Variants in MED12L observed in about 807,000 individuals in gnomAD.
The protein encoded by MED12L is mediator complex subunit 12L.
MED12L carries 60 observed loss-of-function variants against 281.3 expected under a neutral mutation model. The ratio of observed to expected loss-of-function variants is 0.21; its 90% CI spans 0.17 to 0.26. The LOEUF (loss-of-function observed/expected upper bound fraction) is 0.26, where lower values mean the gene tolerates loss of function less well. Ranked by LOEUF, MED12L falls within the 10% of genes least tolerant of loss-of-function variation. MED12L has a pLI of 1.00. For missense variants in MED12L, 2,146 were observed against 2,680.9 expected (o/e 0.80, Z 4.41); for synonymous variants, 974 against 987.2 (o/e 0.99, Z 0.25).
intron 39 of MED12L, among the ~76,000 whole-genome samples, chr3:151,408,123 C>A (rs1165473781): frequency 2.6e-5 from 4 of 152,144 alleles, no homozygotes; most frequent in African/African-American, 7.2e-5. Context: ...ATGGCACTGC[C>A]AGGTCTTGCT....
At chr3:151,336,499 A>G (rs961752237) in intron 16 of MED12L, 17 of 456,342 alleles carry the variant, frequency 3.7e-5, no homozygotes, top group East Asian at 2.1e-4. Flanking sequence ...TTCTGGCATT[A>G]TATTTAGGTA....
chr3:151,312,445 G>A (rs1485925056), intron 16 of MED12L, among the ~76,000 whole-genome samples: 1 of 152,098 alleles, frequency 6.6e-6, no homozygotes, highest in Non-Finnish European at 1.5e-5. Flanking sequence ...TGCCCTTTTG[G>A]TATACTGGCC....
chr3:151,342,326 G>C (rs548682066), intron 16 of MED12L, among the ~76,000 whole-genome samples: 1 of 152,322 alleles, frequency 6.6e-6, no homozygotes, highest in South Asian at 2.1e-4. Flanking sequence ...TTATCAGTGG[G>C]AATCATTTGT....
chr3:151,144,854 T>A (rs1302705839), intron 5 of MED12L, among the ~76,000 whole-genome samples: 1 of 152,184 alleles, frequency 6.6e-6, no homozygotes, highest in Non-Finnish European at 1.5e-5. Context: ...GCCCCCGACA[T>A]ACCTGCATCA....
At chr3:151,169,369 C>G (rs1336075007) in intron 11 of MED12L, among the ~76,000 whole-genome samples, 3 of 152,112 alleles carry the variant, frequency 2.0e-5, no homozygotes, top group African/African-American at 4.8e-5. Flanking sequence ...GATCCACCCG[C>G]CTTGGCCTCC....
intron 16 of MED12L, among the ~76,000 whole-genome samples, chr3:151,203,975 G>A (rs1726014462): frequency 6.6e-6 from 1 of 152,178 alleles, no homozygotes; most frequent in Non-Finnish European, 1.5e-5. Context: ...GTGTGTAAAG[G>A]AACCCTACAG....
chr3:151,235,136 A>C (rs143553572), intron 16 of MED12L, among the ~76,000 whole-genome samples: 14 of 152,352 alleles, frequency 9.2e-5, no homozygotes, highest in African/African-American at 3.1e-4. Context: ...ATTTTGGTCC[A>C]GTGGAACAAA....
intron 8 of MED12L, among the ~76,000 whole-genome samples, chr3:151,162,702 G>A (rs1290028207): frequency 6.6e-6 from 1 of 152,168 alleles, no homozygotes; most frequent in Non-Finnish European, 1.5e-5. Context: ...GCTTCCCAGA[G>A]CGCTGGGATT....
chr3:151,435,064 T>TTC lies in MED12L; in HGVS notation c.*2261_*2262insCT, dbSNP rs1275817731. Reference sequence around the variant, plus strand: ...TAATTCTGTATCTTGAGAGGTTTCTTTTTTTTTTTTTTTTTTTTCTTTTCT... The same window carrying TTC: ...TAATTCTGTATCTTGAGAGGTTTCTTTCTTTTTTTTTTTTTTTTTTCTTTTCT... On this transcript the variant is annotated 3_prime_UTR_variant, in exon 45 of 45. Coordinates refer to ENST00000687756, the MANE Select transcript of MED12L (RefSeq NM_001393769.1). 5 of 14,738 alleles carry TTC rather than the reference T, an allele frequency of 3.4e-4. No homozygotes were observed. The highest frequency in any genetic ancestry group is 1.5e-3 in the African/African-American group (5 of 3,358). 0.9% of individuals were successfully genotyped at this position (14,738 alleles called of 1,614,324 possible).
At position 151,433,671 on chromosome 3, in the gene MED12L, A is replaced by G. The variant is rs1448268713; in HGVS notation, c.*867A>G. The G allele has an allele frequency of 3.9e-5, 6 of 152,162 alleles. No homozygotes were observed. The highest frequency in any genetic ancestry group is 2.0e-4 in the Admixed American group (3 of 15,234). The allele number at this position is 152,162 out of a possible 1,614,324, so 9.4% of individuals were successfully genotyped here. ...CTGAACCTTATGCCACCTTAAGGGG[A>G]AAAAAAAATCCAGTAGCTGGCTTGA... On this transcript the variant is annotated 3_prime_UTR_variant, in exon 45 of 45. Coordinates refer to ENST00000687756, the MANE Select transcript of MED12L (RefSeq NM_001393769.1).
intron 2 of MED12L, among the ~76,000 whole-genome samples, chr3:151,113,563 A>G (rs1450567526): frequency 6.6e-6 from 1 of 152,240 alleles, no homozygotes; most frequent in Non-Finnish European, 1.5e-5. Flanking sequence ...GTTAGGAGAC[A>G]TTGCATTGCG....
chr3:151,396,561 G>A (rs1714997253), intron 39 of MED12L, among the ~76,000 whole-genome samples: 1 of 152,214 alleles, frequency 6.6e-6, no homozygotes, highest in Admixed American at 6.5e-5. Context: ...GGGAGGTGGA[G>A]TTTGCAGTGA....
chr3:151,146,465 T>G (rs1249546077), intron 5 of MED12L, among the ~76,000 whole-genome samples: 1 of 152,222 alleles, frequency 6.6e-6, no homozygotes, highest in East Asian at 1.9e-4. Context: ...AGGGCCACTT[T>G]CTTCTCTTTG....
chr3:151,276,447 G>C (rs537774499), intron 16 of MED12L, among the ~76,000 whole-genome samples: 6 of 152,234 alleles, frequency 3.9e-5, no homozygotes, highest in Non-Finnish European at 8.8e-5. Flanking sequence ...CATGATGATG[G>C]CAGAATATGC....
chr3:151,294,566 A>G lies in MED12L; in HGVS notation c.2251-55493A>G, dbSNP rs757059522. On this transcript the variant is annotated intron_variant, in intron 16 of 44. Coordinates refer to ENST00000687756, the MANE Select transcript of MED12L (RefSeq NM_001393769.1). ...TTTGTGGATGTACCTGGATATGGCT[A>G]TGTAACATCCGATCAGAATCACCAG... is the stretch of plus-strand genomic sequence containing the variant. 22 of 1,614,034 alleles carry G rather than the reference A, an allele frequency of 1.4e-5. No homozygotes were observed. Among genetic ancestry groups the G allele is most frequent in the Admixed American group, 1.0e-4 (6 of 60,006 alleles).
chr3:151,373,103 A>G (rs1756392271), intron 27 of MED12L, among the ~76,000 whole-genome samples: 1 of 152,136 alleles, frequency 6.6e-6, no homozygotes, highest in Non-Finnish European at 1.5e-5. Context: ...ACATAACCAA[A>G]ATATAGCTAT....
intron 16 of MED12L, among the ~76,000 whole-genome samples, chr3:151,345,359 C>T (rs1430812609): frequency 6.6e-6 from 1 of 152,116 alleles, no homozygotes; most frequent in Non-Finnish European, 1.5e-5. Context: ...ATATTACTTA[C>T]AACTGTGCAA....
At position 151,413,159 on chromosome 3, in the gene MED12L, A is replaced by G. The variant is rs1305948297; in HGVS notation, c.6161A>G (p.Gln2054Arg). ...GCCAGACTGAACCATCAGGCTCTAC[A>G]GCAGAGCCCTCTGGTGGGCGGGGGA... The part of the protein sequence containing the change: ...GSQRLNHQAL[Q>R]QSPLVGGGID... Residue 2054 changes from glutamine to arginine, a missense_variant, in exon 42 of 45, where the codon CAG becomes CGG. Physicochemically the swap from Gln to Arg is conservative, Grantham distance 43 (BLOSUM62 1). Coordinates refer to ENST00000687756, the MANE Select transcript of MED12L (RefSeq NM_001393769.1). The G allele has an allele frequency of 6.2e-6, 10 of 1,613,990 alleles. No homozygotes were observed. Among genetic ancestry groups the G allele is most frequent in the South Asian group, 1.1e-5 (1 of 91,080 alleles).
chr3:151,160,010 C>T lies in MED12L; in HGVS notation c.1016C>T (p.Pro339Leu). 1 of 1,614,212 alleles carries T rather than the reference C, an allele frequency of 6.2e-7. No homozygotes were observed. The highest frequency in any genetic ancestry group is 8.5e-7 in the Non-Finnish European group (1 of 1,180,008). ...IGAPSPGPPGPGMSPVQLAFS... is the reference protein window; with the variant it reads ...IGAPSPGPPGLGMSPVQLAFS... Reference sequence around the variant, plus strand: ...GCCCCCAGCCCTGGCCCCCCCGGCCCTGGCATGAGCCCCGTGCAGCTGGCC... The same window carrying T: ...GCCCCCAGCCCTGGCCCCCCCGGCCTTGGCATGAGCCCCGTGCAGCTGGCC... The change falls in exon 8 of 45, where the codon CCT becomes CTT. Residue 339 changes from proline (P) to leucine (L), a missense_variant. Pro to Leu is a moderately conservative substitution (Grantham distance 98). Around this residue, in one of 9 missense-constraint regions of MED12L, gnomAD observed 722 missense variants for 861.2 expected, o/e 0.84. Coordinates refer to ENST00000687756, the MANE Select transcript of MED12L (RefSeq NM_001393769.1).
Sources: allele counts gnomAD v4.1 joint callset (sites outside exome capture counted in the v4.1 genomes callset), GRCh38; gene constraint gnomAD v4.1.1; regional missense constraint gnomAD v4.1.1; transcripts MANE v1.5; gene names NCBI Gene and HGNC (gene_info 2026-07-23, HGNC 2026-07-21).